The following KAZN variants were observed in gnomAD, a reference collection of about 807,000 sequenced individuals.
KAZN encodes kazrin, periplakin interacting protein.
KAZN carries 40 observed loss-of-function variants against 87.4 expected under a neutral mutation model. The ratio of observed to expected loss-of-function variants is 0.46; its 90% confidence interval spans 0.36 to 0.60. The LOEUF (loss-of-function observed/expected upper bound fraction) is 0.60, where lower values mean the gene tolerates loss of function less well. Ranked by LOEUF, KAZN falls within the 20% of genes least tolerant of loss-of-function variation. The probability of loss-of-function intolerance (pLI) is 0.00; values close to 1 mark genes in which losing one functional copy is unlikely to be tolerated. For synonymous variants in KAZN, 466 were observed against 458.3 expected, an observed-to-expected ratio of 1.02 and a Z score of -0.22; for missense variants, 898 against 1,073.9, an observed-to-expected ratio of 0.84 and a Z score of 2.29.
intron 2 of KAZN, among the ~76,000 whole-genome samples, chr1:14,411,724 TA>T (rs1346125121): frequency 6.6e-6 from 1 of 152,000 alleles, no homozygotes; most frequent in African/African-American, 2.4e-5. Flanking sequence ...AAATATTAAG[TA>T]ATGAAATGAA....
intron 1 of KAZN, among the ~76,000 whole-genome samples, chr1:13,895,210 T>C (rs1638991251): frequency 6.6e-6 from 1 of 152,074 alleles, no homozygotes; most frequent in South Asian, 2.1e-4. Flanking sequence ...CCTAACTTGA[T>C]TTTGGTTTGT....
chr1:15,091,707 A>G (rs1476940123), intron 8 of KAZN, among the ~76,000 whole-genome samples: 1 of 152,214 alleles, frequency 6.6e-6, no homozygotes, highest in African/African-American at 2.4e-5. Flanking sequence ...CTTTTTATTC[A>G]TTGCACATAT....
At chr1:14,130,389 G>T (rs1380587729) in intron 1 of KAZN, among the ~76,000 whole-genome samples, 1 of 151,740 alleles carries the variant, frequency 6.6e-6, no homozygotes, top group African/African-American at 2.4e-5. Flanking sequence ...AGTGCCTGTT[G>T]GTATATTTTC....
intron 2 of KAZN, among the ~76,000 whole-genome samples, chr1:14,337,882 A>C (rs1657386520): frequency 7.0e-6 from 1 of 141,874 alleles, no homozygotes; most frequent in Non-Finnish European, 1.5e-5. Flanking sequence ...TGACAGAGCA[A>C]GACTCTGTCT....
chr1:14,134,391 A>T (rs976956195), intron 1 of KAZN, among the ~76,000 whole-genome samples: 5 of 152,198 alleles, frequency 3.3e-5, no homozygotes, highest in Admixed American at 2.6e-4. Flanking sequence ...GCAATGGACA[A>T]GGTATTTTTT....
At chr1:13,911,628 G>A (rs1450456996) in intron 1 of KAZN, among the ~76,000 whole-genome samples, 1 of 152,126 alleles carries the variant, frequency 6.6e-6, no homozygotes, top group African/African-American at 2.4e-5. Context: ...GTCCTTTGAG[G>A]TCTATATAAA....
intron 1 of KAZN, among the ~76,000 whole-genome samples, chr1:13,951,172 GCA>G (rs553300301): frequency 5.0e-4 from 76 of 152,310 alleles, no homozygotes; most frequent in South Asian, 8.3e-4. Flanking sequence ...TGTGCCCAGT[GCA>G]CAGTGTTGGG....
At chr1:14,928,277 C>G (rs372028697) in intron 1 of KAZN, among the ~76,000 whole-genome samples, 104 of 152,092 alleles carry the variant, frequency 6.8e-4, no homozygotes, top group African/African-American at 2.5e-3. Flanking sequence ...GGTGAAACCC[C>G]GTCTCTACTA....
At chr1:14,966,282 T>C (rs926408700) in intron 2 of KAZN, among the ~76,000 whole-genome samples, 10 of 151,978 alleles carry the variant, frequency 6.6e-5, no homozygotes, top group African/African-American at 2.4e-4. Context: ...GCCCCACCAA[T>C]ATAGTTATGT....
chr1:14,103,243 G>C (rs6676359), intron 1 of KAZN, among the ~76,000 whole-genome samples: 3,073 of 152,206 alleles, frequency 0.02, 91 homozygotes, highest in South Asian at 0.067. Context: ...GAGGACACCA[G>C]TCTTGTTGTA....
At chr1:14,404,563 C>G (rs1193604817) in intron 2 of KAZN, among the ~76,000 whole-genome samples, 2 of 152,168 alleles carry the variant, frequency 1.3e-5, no homozygotes, top group Non-Finnish European at 1.5e-5. Context: ...GAAACAAGTT[C>G]TCCCTCAGTG....
chr1:15,061,181 TTCTC>T (rs1325356680), intron 6 of KAZN: 1 of 152,254 alleles, frequency 6.6e-6, no homozygotes, highest in African/African-American at 2.4e-5. Flanking sequence ...AGTGACATGA[TTCTC>T]TACCTGGAGA....
intron 1 of KAZN, among the ~76,000 whole-genome samples, chr1:14,939,313 A>G (rs1163297077): frequency 6.6e-6 from 1 of 151,674 alleles, no homozygotes; most frequent in Non-Finnish European, 1.5e-5. Context: ...CTTGCCTCCC[A>G]GGCTGGAGTG....
At chr1:14,183,142 T>G (rs1287869187) in intron 2 of KAZN, among the ~76,000 whole-genome samples, 5 of 152,150 alleles carry the variant, frequency 3.3e-5, no homozygotes, top group African/African-American at 9.7e-5. Flanking sequence ...TCGATTCAAG[T>G]CACATCTGTT....
At chr1:14,292,668 TG>T (rs1653803465) in intron 2 of KAZN, among the ~76,000 whole-genome samples, 1 of 152,216 alleles carries the variant, frequency 6.6e-6, no homozygotes, top group South Asian at 2.1e-4. Context: ...TGGCAGGCTC[TG>T]GGTGATAAAT....
intron 1 of KAZN, among the ~76,000 whole-genome samples, chr1:13,943,457 T>A (rs1272633298): frequency 2.6e-5 from 4 of 151,882 alleles, no homozygotes; most frequent in Non-Finnish European, 5.9e-5. Flanking sequence ...AAAAAATTTT[T>A]TAAAAAAAAT....
At chr1:14,352,982 T>C (rs1370949459) in intron 2 of KAZN, among the ~76,000 whole-genome samples, 1 of 152,186 alleles carries the variant, frequency 6.6e-6, no homozygotes, top group Non-Finnish European at 1.5e-5. Context: ...CATTCATGAT[T>C]TTTTAAATCC....
chr1:14,514,595 TTATATATATA>T lies in KAZN; in HGVS notation c.250-84352_250-84343del, dbSNP rs754845099. On this transcript the variant is annotated intron_variant, in intron 2 of 16. Coordinates refer to the KAZN transcript ENST00000636203. The stretch of plus-strand genomic sequence containing the variant: ...TATATTTTATATATTTTTTTATATT[TTATATATATA>T]TATATATATATATATATATATATAT... Among the ~76,000 whole-genome samples the T allele has an allele frequency of 4.4e-3, 290 of 66,496 alleles. 7 individuals are homozygous for T. Among genetic ancestry groups the T allele is most frequent in the East Asian group, 0.027 (45 of 1,656 alleles). 43.6% of individuals were successfully genotyped at this position (66,496 alleles called of 152,430 possible).
intron 2 of KAZN, among the ~76,000 whole-genome samples, chr1:14,234,785 T>C (rs924049984): frequency 6.6e-6 from 1 of 152,222 alleles, no homozygotes; most frequent in African/African-American, 2.4e-5. Context: ...GAGAGCTTTT[T>C]GAAAAATTGC....
Sources: allele counts gnomAD v4.1 joint callset (sites outside exome capture counted in the v4.1 genomes callset), GRCh38; gene constraint gnomAD v4.1.1; transcripts MANE v1.5; gene names NCBI Gene and HGNC (gene_info 2026-07-23, HGNC 2026-07-21).